Variants in RNFT2 observed in about 807,000 individuals in gnomAD.
RNFT2 encodes the protein E3 ubiquitin-protein ligase RNFT2.
Under a neutral mutation model 53.0 loss-of-function variants are expected in RNFT2, and 36 were observed. The ratio of observed to expected loss-of-function variants is 0.68; its 90% CI spans 0.52 to 0.90. The LOEUF (loss-of-function observed/expected upper bound fraction) is 0.90. Among genes scored for constraint, RNFT2 ranks in the 40% least tolerant of loss-of-function variants. The pLI, the probability that RNFT2 is intolerant of heterozygous loss-of-function variation, is 0.00. For synonymous variants in RNFT2, 260 were observed against 253.2 expected (o/e 1.03, Z -0.26); for missense variants, 514 against 585.6 (o/e 0.88, Z 1.26).
rs1213404208 is a variant in RNFT2 at position 116,839,421 on chromosome 12, GTGGGTGGATGGA to G, written c.1200+3143_1200+3154del. 3.8e-3 allele frequency among the ~76,000 whole-genome samples: 483 copies of G among 126,852 alleles called. 2 individuals are homozygous for G. Among genetic ancestry groups the G allele is most frequent in the African/African-American group, 0.013 (421 of 32,618 alleles). 83.2% of individuals were successfully genotyped at this position (126,852 alleles called of 152,430 possible). A position where few individuals can be genotyped will look rare whatever the true frequency, so the allele number is the denominator to read the frequency against. On this transcript the variant is annotated intron_variant, in intron 10 of 10. Coordinates refer to ENST00000257575, the MANE Select transcript of RNFT2 (RefSeq NM_001382266.1). ...ATGGATGGATGGATGGGATGGGTGG[GTGGGTGGATGGA>G]TGGATGGATGGATGGATGGATGGAT...
At chr12:116,741,741 T>G (rs1290615976) in intron 3 of RNFT2, among the ~76,000 whole-genome samples, 1 of 152,108 alleles carries the variant, frequency 6.6e-6, no homozygotes, top group East Asian at 1.9e-4. Flanking sequence ...CTCCAAATCC[T>G]AGGCTCAAGC....
intron 7 of RNFT2, among the ~76,000 whole-genome samples, chr12:116,795,568 C>G (rs1321652299): frequency 5.9e-5 from 9 of 152,186 alleles, no homozygotes. Flanking sequence ...AACCACGTTT[C>G]AAGGGCTCAA....
At chr12:116,802,735 G>T (rs1874858517) in intron 7 of RNFT2, among the ~76,000 whole-genome samples, 1 of 152,180 alleles carries the variant, frequency 6.6e-6, no homozygotes, top group African/African-American at 2.4e-5. Flanking sequence ...ATCTGGGAGA[G>T]AATAAGTTTC....
chr12:116,783,324 G>A (rs764797954), intron 7 of RNFT2, among the ~76,000 whole-genome samples: 3 of 152,166 alleles, frequency 2.0e-5, no homozygotes, highest in Non-Finnish European at 4.4e-5. Context: ...CACTGGCTTC[G>A]TGTTCTTGGG....
At chr12:116,793,392 G>GCCCCAGGC (rs1874346298) in intron 7 of RNFT2, among the ~76,000 whole-genome samples, 1 of 151,696 alleles carries the variant, frequency 6.6e-6, no homozygotes, top group Non-Finnish European at 1.5e-5. Flanking sequence ...TCACTGTCTT[G>GCCCCAGGC]CCCCAGGCTG....
At chr12:116,824,889 T>C (rs1207206288) in intron 7 of RNFT2, among the ~76,000 whole-genome samples, 1 of 152,226 alleles carries the variant, frequency 6.6e-6, no homozygotes, top group Non-Finnish European at 1.5e-5. Context: ...CAGTTCAGTC[T>C]ATAGCACCAG....
intron 7 of RNFT2, among the ~76,000 whole-genome samples, chr12:116,824,444 C>G (rs1018733742): frequency 1.3e-5 from 2 of 152,134 alleles, no homozygotes; most frequent in Non-Finnish European, 2.9e-5. Flanking sequence ...AAATGTATCT[C>G]TTTCTCATGT....
intron 7 of RNFT2, among the ~76,000 whole-genome samples, chr12:116,820,253 G>T (rs1319472965): frequency 3.3e-5 from 5 of 152,152 alleles, no homozygotes; most frequent in African/African-American, 1.2e-4. Context: ...ATCATGCCTG[G>T]CTAGTTTTTG....
At chr12:116,802,470 G>T (rs990609052) in intron 7 of RNFT2, among the ~76,000 whole-genome samples, 2 of 152,130 alleles carry the variant, frequency 1.3e-5, no homozygotes, top group Non-Finnish European at 2.9e-5. Context: ...TGATGACAGA[G>T]ACTCTGTGGC....
intron 8 of RNFT2, among the ~76,000 whole-genome samples, chr12:116,835,300 T>TCTC (rs10651412): frequency 0.74 from 113,047 of 151,886 alleles, 44,902 homozygotes; most frequent in Non-Finnish European, 0.88. Flanking sequence ...CAACCACACT[T>TCTC]CTACTGAATG....
intron 7 of RNFT2, among the ~76,000 whole-genome samples, chr12:116,821,717 G>A (rs2137182357): frequency 6.6e-6 from 1 of 151,726 alleles, no homozygotes; most frequent in Admixed American, 6.6e-5. Context: ...GTGGAAGGAG[G>A]GCTTTGAAAT....
chr12:116,836,330 G>A (rs1360199216), intron 10 of RNFT2, 48 bp downstream of exon 10: 1 of 1,474,298 alleles, frequency 6.8e-7, no homozygotes. Flanking sequence ...CTGGGGGAGA[G>A]TAGGACCCTT....
intron 10 of RNFT2, among the ~76,000 whole-genome samples, chr12:116,848,375 C>T (rs1204937626): frequency 6.6e-6 from 1 of 152,114 alleles, no homozygotes; most frequent in Non-Finnish European, 1.5e-5. Context: ...GTGTTCTATT[C>T]TCAACCTAGA....
chr12:116,826,920 G>A (rs1183318400), intron 7 of RNFT2, among the ~76,000 whole-genome samples: 3 of 152,126 alleles, frequency 2.0e-5, no homozygotes, highest in Non-Finnish European at 2.9e-5. Context: ...TGTGAAAAAT[G>A]CTTTGAAGGA....
intron 7 of RNFT2, among the ~76,000 whole-genome samples, chr12:116,791,788 A>G (rs562017207): frequency 2.8e-4 from 43 of 152,316 alleles, no homozygotes; most frequent in African/African-American, 1.0e-3. Context: ...GTAAATACAT[A>G]GGCAGAGAAT....
At position 116,771,489 on chromosome 12, in the gene RNFT2, A is replaced by AT. The variant is rs1351448907; in HGVS notation, c.728+4575_728+4576insT. Among the ~76,000 whole-genome samples, 76 of 53,752 alleles carry AT rather than the reference A, an allele frequency of 1.4e-3. 6 individuals are homozygous for AT. Among genetic ancestry groups the AT allele is most frequent in the Non-Finnish European group, 2.4e-3 (48 of 20,160 alleles). The allele number at this position is 53,752 out of a possible 152,430, so 35.3% of individuals were successfully genotyped here. ...AAAAAAAAAAAAAAAAAAAAAAAAAAAAAAAATACGTATATGAGCAATTTT... is the reference window on the plus strand; with the variant it reads ...AAAAAAAAAAAAAAAAAAAAAAAAAATAAAAAATACGTATATGAGCAATTTT... On this transcript the variant is annotated intron_variant, in intron 6 of 10. Coordinates refer to ENST00000257575, the MANE Select transcript of RNFT2 (RefSeq NM_001382266.1).
intron 7 of RNFT2, among the ~76,000 whole-genome samples, chr12:116,809,929 C>T (rs1875287556): frequency 6.6e-6 from 1 of 152,146 alleles, no homozygotes; most frequent in African/African-American, 2.4e-5. Context: ...CCCACCTCGG[C>T]CTCCCAAAGT....
intron 3 of RNFT2, among the ~76,000 whole-genome samples, chr12:116,749,614 A>G (rs1872076997): frequency 6.6e-6 from 1 of 152,018 alleles, no homozygotes; most frequent in Non-Finnish European, 1.5e-5. Context: ...GTCACACTGG[A>G]TTGGGACCCA....
Position 116,779,211 on chromosome 12 carries a change from C to T in RNFT2, c.745C>T (p.Pro249Ser), listed in dbSNP as rs1873577562. ...TCCCCCCAGCCTCATATTCCTGAAG[C>T]CCAACCTGGAGATGCTGGACTTCTT... ...QLYNSLIFLK[P>S]NLEMLDFFDL... is the part of the protein sequence containing the mutation. Residue 249 changes from proline (P) to serine (S), a missense_variant, in exon 7 of 11, where the codon CCC becomes TCC. Transcript: ENST00000257575. 6 of 1,613,982 alleles carry T rather than the reference C, an allele frequency of 3.7e-6. No homozygotes were observed. Among genetic ancestry groups the T allele is most frequent in the Non-Finnish European group, 5.1e-6 (6 of 1,179,872 alleles).
Sources: gnomAD v4.1 joint callset for allele counts (sites outside exome capture counted in the v4.1 genomes callset) on GRCh38, gnomAD v4.1.1 for gene constraint, MANE v1.5 for transcripts, NCBI Gene and HGNC (gene_info 2026-07-23, HGNC 2026-07-21) for gene names.